Variants in C12orf50 observed in about 807,000 individuals in gnomAD.
The protein encoded by C12orf50 is uncharacterized protein C12orf50.
In C12orf50, 35 loss-of-function variants were observed where a neutral mutation model predicts 61.6. The observed-to-expected ratio is 0.57, with a 90% CI of 0.43 to 0.75. The LOEUF (loss-of-function observed/expected upper bound fraction) is 0.75, where lower values mean the gene tolerates loss of function less well. Ranked by LOEUF, C12orf50 falls within the 30% of genes least tolerant of loss-of-function variation. C12orf50 has a pLI of 0.00. For missense variants in C12orf50, 475 were observed against 488.5 expected, an observed-to-expected ratio of 0.97 and a Z score of 0.26; for synonymous variants, 178 against 161.5, an observed-to-expected ratio of 1.10 and a Z score of -0.77.
chr12:87,994,765 A>T (rs1157137052), intron 6 of C12orf50, 22 bp from the exon 7 acceptor site: 12 of 1,481,458 alleles, frequency 8.1e-6, no homozygotes, highest in Non-Finnish European at 9.3e-6. Flanking sequence ...AAGAAAAAAA[A>T]GTCACCCCAG....
At chr12:88,011,196 A>T (rs757223998) in intron 3 of C12orf50, among the ~76,000 whole-genome samples, 8 of 151,982 alleles carry the variant, frequency 5.3e-5, no homozygotes, top group Non-Finnish European at 8.8e-5. Context: ...CTCTTAGGTA[A>T]AGTGTATCAG....
chr12:87,996,450 C>A lies in C12orf50; in HGVS notation c.405G>T (p.Leu135Phe). ...YYRFHTPPDI[L>F]SSKSMTPTAE... Reference sequence around the variant, plus strand: ...CTGTAGGTGTCATGCTTTTTGATGACAAAATATCTGGAGGAGTATGAAATC... The same window carrying A: ...CTGTAGGTGTCATGCTTTTTGATGAAAAAATATCTGGAGGAGTATGAAATC... The change falls in exon 6 of 13, where the codon TTG becomes TTT. Residue 135 changes from leucine (L) to phenylalanine (F), a missense_variant. Transcript: ENST00000298699. 1.2e-6 allele frequency: 2 copies of A among 1,613,228 alleles called. No homozygotes were observed. Among genetic ancestry groups the A allele is most frequent in the Non-Finnish European group, 1.7e-6 (2 of 1,179,504 alleles).
At chr12:87,999,097 T>G (rs2031545468) in intron 3 of C12orf50, among the ~76,000 whole-genome samples, 1 of 152,102 alleles carries the variant, frequency 6.6e-6, no homozygotes, top group Non-Finnish European at 1.5e-5. Context: ...CCCTGGCACA[T>G]GGGGGTGAGC....
chr12:87,989,887 G>C (rs1204341207), intron 7 of C12orf50, among the ~76,000 whole-genome samples: 1 of 152,082 alleles, frequency 6.6e-6, no homozygotes, highest in Non-Finnish European at 1.5e-5. Context: ...CTAAGCTGTG[G>C]AGAAATCAGC....
At chr12:87,991,866 A>G (rs1054891447) in intron 7 of C12orf50, among the ~76,000 whole-genome samples, 3 of 152,210 alleles carry the variant, frequency 2.0e-5, no homozygotes, top group Non-Finnish European at 2.9e-5. Context: ...TCAAATCCCA[A>G]TATCAATACT....
chr12:87,997,644 T>C (rs76065149), intron 4 of C12orf50, among the ~76,000 whole-genome samples: 2 of 152,134 alleles, frequency 1.3e-5, no homozygotes, highest in African/African-American at 2.4e-5. Flanking sequence ...CTCCCACCTA[T>C]GAGTGAGAAC....
intron 3 of C12orf50, among the ~76,000 whole-genome samples, chr12:88,005,316 C>T (rs962837449): frequency 1.3e-5 from 2 of 152,154 alleles, no homozygotes; most frequent in African/African-American, 4.8e-5. Context: ...CAATATGCAG[C>T]CTCTGTTGTC....
Position 88,001,169 on chromosome 12 carries a change from C to A in C12orf50, c.134-2979G>T, listed in dbSNP as rs184639740. On this transcript the variant is annotated intron_variant, in intron 3 of 12. Transcript: ENST00000298699. ...TTCTTTATCAGGTTGAAGAAGTTTTCTTCTGTTTCTAGCTTGTGGAATATT... is the reference window on the plus strand; with the variant it reads ...TTCTTTATCAGGTTGAAGAAGTTTTATTCTGTTTCTAGCTTGTGGAATATT... Among the ~76,000 whole-genome samples, 305 of 151,656 alleles carry A rather than the reference C, an allele frequency of 2.0e-3. 2 individuals are homozygous for A. The highest frequency in any genetic ancestry group is 0.01 in the Middle Eastern group (3 of 294).
At chr12:87,981,799 A>C (rs918545846) in intron 12 of C12orf50, among the ~76,000 whole-genome samples, 1 of 152,030 alleles carries the variant, frequency 6.6e-6, no homozygotes, top group Non-Finnish European at 1.5e-5. Context: ...AAAAATCTCA[A>C]GAAGCTGTCT....
intron 9 of C12orf50, among the ~76,000 whole-genome samples, chr12:87,986,754 T>C (rs1038464790): frequency 5.3e-5 from 8 of 152,132 alleles, no homozygotes; most frequent in Non-Finnish European, 1.2e-4. Flanking sequence ...GTTAAATAGT[T>C]TTAGAACTCT....
chr12:88,029,197 A>G, intron 1 of C12orf50, 143 bp downstream of exon 1: 3 of 885,112 alleles, frequency 3.4e-6, no homozygotes, highest in Non-Finnish European at 4.7e-6. Context: ...TGCAAATACA[A>G]GAACTATCAG....
At chr12:87,998,420 A>C (rs2031512914) in intron 3 of C12orf50, among the ~76,000 whole-genome samples, 1 of 152,120 alleles carries the variant, frequency 6.6e-6, no homozygotes, top group African/African-American at 2.4e-5. Context: ...TTAGGAATTA[A>C]TTTTAACATA....
Position 88,014,512 on chromosome 12 carries a change from G to A in C12orf50, c.133+11976C>T, listed in dbSNP as rs1460448918. On this transcript the variant is annotated intron_variant, in intron 3 of 12. Coordinates refer to ENST00000298699, the MANE Select transcript of C12orf50 (RefSeq NM_152589.3). The stretch of plus-strand genomic sequence containing the variant: ...AGACGGGTTTCACCGTATGAGCCAG[G>A]ATGGTCTCGATCTCCTGACCTCATG... Among the ~76,000 whole-genome samples the A allele has an allele frequency of 2.0e-5, 3 of 152,124 alleles. No individual in the cohort carries two copies. The South Asian group carries it at 6.2e-4, about 32-fold the overall frequency.
intron 3 of C12orf50, among the ~76,000 whole-genome samples, chr12:88,025,049 G>GA (rs1215174461): frequency 2.6e-5 from 4 of 152,004 alleles, no homozygotes; most frequent in African/African-American, 4.8e-5. Flanking sequence ...ATTGCAACGG[G>GA]AAAAAAACAT....
chr12:88,000,290 T>C (rs1189648193), intron 3 of C12orf50, among the ~76,000 whole-genome samples: 1 of 152,216 alleles, frequency 6.6e-6, no homozygotes. Flanking sequence ...ACTATTCTTT[T>C]CCCCATTGAA....
intron 3 of C12orf50, among the ~76,000 whole-genome samples, chr12:88,025,835 T>C (rs551870105): frequency 6.6e-5 from 10 of 152,204 alleles, no homozygotes; most frequent in Non-Finnish European, 1.3e-4. Context: ...CAGGGAAACC[T>C]AATAGCCCAA....
intron 3 of C12orf50, among the ~76,000 whole-genome samples, chr12:88,010,213 C>G (rs1565754995): frequency 6.6e-6 from 1 of 151,942 alleles, no homozygotes; most frequent in Non-Finnish European, 1.5e-5. Flanking sequence ...CTGTCCTAAT[C>G]TCTATCACTT....
intron 3 of C12orf50, among the ~76,000 whole-genome samples, chr12:88,010,551 T>C (rs908520544): frequency 1.3e-4 from 19 of 150,700 alleles, no homozygotes; most frequent in Non-Finnish European, 2.5e-4. Flanking sequence ...GATACATTTA[T>C]AATGAGAAAA....
chr12:88,020,943 G>A (rs1161927561), intron 3 of C12orf50, among the ~76,000 whole-genome samples: 2 of 152,110 alleles, frequency 1.3e-5, no homozygotes, highest in Non-Finnish European at 2.9e-5. Flanking sequence ...TGACTTTTGG[G>A]TAAACAATGA....
Sources: allele counts gnomAD v4.1 joint callset (sites outside exome capture counted in the v4.1 genomes callset), GRCh38; gene constraint gnomAD v4.1.1; transcripts MANE v1.5; gene names NCBI Gene and HGNC (gene_info 2026-07-23, HGNC 2026-07-21).